The following CDCA2 variants were observed in gnomAD, a reference collection of about 807,000 sequenced individuals.
The protein encoded by CDCA2 is cell division cycle-associated protein 2.
A neutral mutation model predicts 67.0 loss-of-function variants in CDCA2; 44 were observed. The ratio of observed to expected loss-of-function variants is 0.66; its 90% CI spans 0.52 to 0.84. The LOEUF is 0.84. Among genes scored for constraint, CDCA2 ranks in the 40% least tolerant of loss-of-function variants. The pLI, the probability that CDCA2 is intolerant of heterozygous loss-of-function variation, is 0.00. For missense variants in CDCA2, 1,253 were observed against 1,203.2 expected (o/e 1.04, Z -0.61); for synonymous variants, 447 against 418.7 (o/e 1.07, Z -0.82).
chr8:25,506,974 T>C lies in CDCA2; in HGVS notation c.2308T>C (p.Leu770=), dbSNP rs770233794. Residue 770 remains leucine (L), a synonymous_variant, in exon 15 of 15, where the codon TTA becomes CTA. Coordinates refer to ENST00000330560, the MANE Select transcript of CDCA2 (RefSeq NM_152562.4). The part of the protein sequence containing the change: ...NIKCERKDDF[L]GAAEGKLQCN... ...AAAGTGTGAAAGAAAGGATGACTTC[T>C]TAGGAGCTGCAGAAGGAAAACTGCA... 3.7e-6 allele frequency: 6 copies of C among 1,614,130 alleles called. No individual in the cohort carries two copies. Among genetic ancestry groups the C allele is most frequent in the South Asian group, 3.3e-5 (3 of 91,084 alleles).
At chr8:25,483,693 G>A (rs1206816405) in intron 9 of CDCA2, among the ~76,000 whole-genome samples, 1 of 152,128 alleles carries the variant, frequency 6.6e-6, no homozygotes, top group Non-Finnish European at 1.5e-5. Context: ...TTACTTAGTG[G>A]TGGTATTTGT....
intron 14 of CDCA2, among the ~76,000 whole-genome samples, chr8:25,506,204 C>T (rs752425567): frequency 6.6e-6 from 1 of 152,178 alleles, no homozygotes; most frequent in Non-Finnish European, 1.5e-5. Context: ...ACTCATGGAC[C>T]TTGTAGCACG....
chr8:25,494,745 G>C (rs1804146940), intron 13 of CDCA2, among the ~76,000 whole-genome samples: 1 of 152,202 alleles, frequency 6.6e-6, no homozygotes, highest in Non-Finnish European at 1.5e-5. Context: ...GAATGTGACT[G>C]TATTTGGAGA....
chr8:25,502,087 G>A (rs1586533561), intron 13 of CDCA2, among the ~76,000 whole-genome samples: 2 of 151,852 alleles, frequency 1.3e-5, no homozygotes, highest in South Asian at 2.1e-4. Context: ...TAGTAGAGAC[G>A]GCTTTCACCA....
At chr8:25,488,496 C>T in intron 12 of CDCA2, 56 bp from the exon 13 acceptor site, 1 of 1,486,962 alleles carries the variant, frequency 6.7e-7, no homozygotes, top group Non-Finnish European at 9.0e-7. Context: ...GAGAGCAGCA[C>T]ATTAACATGT....
chr8:25,491,261 GA>G (rs1304419801), intron 13 of CDCA2, among the ~76,000 whole-genome samples: 3 of 152,126 alleles, frequency 2.0e-5, no homozygotes, highest in Admixed American at 1.3e-4. Context: ...CCAAATAAAA[GA>G]AGAGGATTTC....
intron 14 of CDCA2, 96 bp downstream of exon 14, chr8:25,503,640 T>C: frequency 8.3e-7 from 1 of 1,205,336 alleles, no homozygotes; most frequent in Non-Finnish European, 1.2e-6. Context: ...ATTCACTATG[T>C]AAAGAGTACG....
At chr8:25,461,780 A>G (rs1388811796) in intron 3 of CDCA2, among the ~76,000 whole-genome samples, 1 of 152,236 alleles carries the variant, frequency 6.6e-6, no homozygotes, top group African/African-American at 2.4e-5. Flanking sequence ...AACAAAAATG[A>G]AAACTTAAAA....
chr8:25,500,070 A>G (rs1804411722), intron 13 of CDCA2, among the ~76,000 whole-genome samples: 3 of 152,172 alleles, frequency 2.0e-5, no homozygotes, highest in Admixed American at 2.0e-4. Flanking sequence ...CTCTTGGCCC[A>G]TGACCATGAA....
intron 7 of CDCA2, among the ~76,000 whole-genome samples, chr8:25,478,377 T>A (rs1803431783): frequency 6.6e-6 from 1 of 152,200 alleles, no homozygotes; most frequent in African/African-American, 2.4e-5. Context: ...TGGATTTTTT[T>A]ATGTATCCTC....
In CDCA2 at chr8:25,484,155, C is replaced by T; in HGVS notation, c.1310C>T (p.Ser437Leu). ...SGLSSLLLEQ[S>L]PVPEPLPQPD... ...CTCAGTTCCCTGCTGCTTGAGCAGT[C>T]ACCTGTTCCTGAGCCATTACCTCAA... is the stretch of plus-strand genomic sequence containing the variant. The change falls in exon 10 of 15, where the codon TCA becomes TTA. Residue 437 changes from serine to leucine, a missense_variant. Transcript: ENST00000330560. 1 of 1,614,182 alleles carries T rather than the reference C, an allele frequency of 6.2e-7. No individual in the cohort carries two copies. Among genetic ancestry groups the T allele is most frequent in the Non-Finnish European group, 8.5e-7 (1 of 1,180,032 alleles).
chr8:25,468,562 T>TGTGCATGC, intron 6 of CDCA2, 149 bp downstream of exon 6: 1 of 452,626 alleles, frequency 2.2e-6, no homozygotes, highest in Non-Finnish European at 3.9e-6. Context: ...TGTGTGCGTG[T>TGTGCATGC]GTGTGTGTGT....
intron 11 of CDCA2, 61 bp downstream of exon 11, chr8:25,485,898 A>G: frequency 9.9e-7 from 1 of 1,009,898 alleles, no homozygotes. Context: ...TATGTTGATT[A>G]TTTTTGTTTT....
At chr8:25,495,373 A>G (rs1433760327) in intron 13 of CDCA2, among the ~76,000 whole-genome samples, 47 of 152,160 alleles carry the variant, frequency 3.1e-4, no homozygotes, top group Admixed American at 3.1e-3. Flanking sequence ...GCTTAACTTC[A>G]TTAAGAATTT....
chr8:25,464,349 G>A (rs1485161000), intron 4 of CDCA2, among the ~76,000 whole-genome samples: 3 of 152,294 alleles, frequency 2.0e-5, no homozygotes, highest in East Asian at 1.9e-4. Context: ...CCAAGATATC[G>A]AGGCTGCAGT....
Position 25,468,328 on chromosome 8 carries a change from C to T in CDCA2, c.650C>T (p.Ala217Val), listed in dbSNP as rs1486521925. The T allele has an allele frequency of 1.9e-6, 3 of 1,613,772 alleles. No homozygotes were observed. Among genetic ancestry groups the T allele is most frequent in the Non-Finnish European group, 2.5e-6 (3 of 1,179,848 alleles). Residue 217 changes from alanine to valine, a missense_variant, in exon 6 of 15, where the codon GCT becomes GTT. Coordinates refer to ENST00000330560, the MANE Select transcript of CDCA2 (RefSeq NM_152562.4). ...GACTCTGATGAAAATCTGACGGATG[C>T]TGAAGGAAAAGTAATTGGTCTCCAG... ...QRDSDENLTD[A>V]EGKVIGLQIF...
At chr8:25,461,112 A>C (rs943975642) in intron 3 of CDCA2, among the ~76,000 whole-genome samples, 1 of 151,984 alleles carries the variant, frequency 6.6e-6, no homozygotes, top group African/African-American at 2.4e-5. Flanking sequence ...TACTAAAAAT[A>C]CAAAATTAGC....
intron 1 of CDCA2, among the ~76,000 whole-genome samples, chr8:25,459,969 CAA>C (rs1802610896): frequency 6.6e-6 from 1 of 152,030 alleles, no homozygotes; most frequent in Non-Finnish European, 1.5e-5. Context: ...TTGTTTATAA[CAA>C]AAAGGATAAA....
chr8:25,475,068 A>G (rs1431685317), intron 7 of CDCA2, among the ~76,000 whole-genome samples: 1 of 152,208 alleles, frequency 6.6e-6, no homozygotes, highest in Non-Finnish European at 1.5e-5. Flanking sequence ...GGGTAGGCCC[A>G]GATGTACCTT....
Sources: gnomAD v4.1 joint callset for allele counts (sites outside exome capture counted in the v4.1 genomes callset) on GRCh38, gnomAD v4.1.1 for gene constraint, MANE v1.5 for transcripts, NCBI Gene and HGNC (gene_info 2026-07-23, HGNC 2026-07-21) for gene names.